Variants in NCK2 observed in about 807,000 individuals in gnomAD.
NCK2 encodes the protein cytoplasmic protein NCK2.
Under a neutral mutation model 33.9 loss-of-function variants are expected in NCK2, and 16 were observed. That is an observed-to-expected ratio of 0.47 (90% CI 0.32 to 0.72). The LOEUF (loss-of-function observed/expected upper bound fraction) is 0.72. NCK2 is among the 30% of genes least tolerant of loss of function. NCK2 has a pLI of 0.03. For synonymous variants in NCK2, 273 were observed against 239.9 expected, an observed-to-expected ratio of 1.14 and a Z score of -1.27; for missense variants, 418 against 537.3, an observed-to-expected ratio of 0.78 and a Z score of 2.19.
Position 105,881,614 on chromosome 2 carries a change from G to C in NCK2, c.513G>C (p.Glu171Asp), listed in dbSNP as rs1405256560. The C allele has an allele frequency of 1.2e-6, 2 of 1,613,648 alleles. No homozygotes were observed. The highest frequency in any genetic ancestry group is 1.7e-6 in the Non-Finnish European group (2 of 1,179,976). ...PSNYVLEEVD[E>D]AAAESPSFLS... ...ACTACGTCTTGGAGGAGGTGGACGA[G>C]GCGGCTGCGGAGTCCCCAAGCTTCC... The change falls in exon 4 of 5, where the codon GAG (glutamate) becomes GAC (aspartate). Residue 171 changes from glutamate (E) to aspartate (D), a missense_variant. By Grantham distance (45) the Glu-to-Asp change is conservative (BLOSUM62 2). Transcript: ENST00000233154.
intron 1 of NCK2, among the ~76,000 whole-genome samples, chr2:105,801,452 C>G (rs2104447335): frequency 6.6e-6 from 1 of 151,302 alleles, no homozygotes; most frequent in Admixed American, 6.6e-5. Flanking sequence ...TCTATTTACA[C>G]AAAACCAGTG....
At position 105,745,070 on chromosome 2, in the gene NCK2, G is replaced by T. The variant is rs1016355141; in HGVS notation, c.-269G>T. The T allele has an allele frequency of 2.7e-5, 4 of 147,008 alleles. No homozygotes were observed. The highest frequency in any genetic ancestry group is 4.5e-5 in the Non-Finnish European group (3 of 66,060). 9.1% of individuals were successfully genotyped at this position (147,008 alleles called of 1,614,324 possible). On this transcript the variant is annotated 5_prime_UTR_variant, in exon 1 of 5. Coordinates refer to ENST00000233154, the MANE Select transcript of NCK2 (RefSeq NM_003581.5). ...GCAGACAAAGAGCGGCGCCTGGGCG[G>T]GCGCAGCGCGGCCACCGCCCCGGGA...
At chr2:105,839,097 G>C (rs553803342) in intron 2 of NCK2, among the ~76,000 whole-genome samples, 1 of 152,210 alleles carries the variant, frequency 6.6e-6, no homozygotes, top group South Asian at 2.1e-4. Flanking sequence ...TTTGAATGGC[G>C]GCTTGAACAA....
intron 1 of NCK2, among the ~76,000 whole-genome samples, chr2:105,775,945 A>G (rs1690284457): frequency 1.3e-5 from 2 of 152,226 alleles, no homozygotes; most frequent in South Asian, 4.1e-4. Flanking sequence ...ACCACCAACA[A>G]AAAAAACAGT....
rs1406411729 is a variant in NCK2, at chr2:105,744,941, C to CGGGCGGA, written c.-394_-388dup. 6.9e-6 allele frequency: 1 copy of CGGGCGGA among 145,376 alleles called. No homozygotes were observed. The highest frequency in any genetic ancestry group is 2.5e-5 in the African/African-American group (1 of 40,548). 9.0% of individuals were successfully genotyped at this position (145,376 alleles called of 1,614,324 possible). A position where few individuals can be genotyped will look rare whatever the true frequency, so the allele number is the denominator to read the frequency against. ...CGGAGCCGCGCGGCCGAGCGGGCGG[C>CGGGCGGA]GGGCGGAGGGGAGGGCTTGGCGGCC... On this transcript the variant is annotated 5_prime_UTR_variant, in exon 1 of 5. Coordinates refer to ENST00000233154, the MANE Select transcript of NCK2 (RefSeq NM_003581.5).
intron 4 of NCK2, among the ~76,000 whole-genome samples, chr2:105,885,237 C>T (rs750512578): frequency 6.6e-6 from 1 of 152,076 alleles, no homozygotes; most frequent in Non-Finnish European, 1.5e-5. Flanking sequence ...TTTTAGTTCC[C>T]GAAGATATCA....
chr2:105,840,447 A>G (rs1676601807), intron 2 of NCK2, among the ~76,000 whole-genome samples: 1 of 152,242 alleles, frequency 6.6e-6, no homozygotes, highest in African/African-American at 2.4e-5. Context: ...TTCTGTCAGC[A>G]AATGTCTGGG....
intron 2 of NCK2, chr2:105,851,855 A>G (rs1201610538): frequency 6.6e-6 from 1 of 152,326 alleles, no homozygotes; most frequent in Non-Finnish European, 1.5e-5. Flanking sequence ...TCAGTGCAGT[A>G]AGTGAGCGAG....
At chr2:105,846,239 A>G (rs1190151590) in intron 2 of NCK2, among the ~76,000 whole-genome samples, 1 of 152,170 alleles carries the variant, frequency 6.6e-6, no homozygotes, top group Non-Finnish European at 1.5e-5. Flanking sequence ...TTGAAGCGAC[A>G]GTGCCACCAC....
intron 4 of NCK2, among the ~76,000 whole-genome samples, 174 bp from the exon 5 acceptor site, chr2:105,892,808 T>C (rs1016980264): frequency 7.0e-6 from 1 of 143,400 alleles, no homozygotes; most frequent in Non-Finnish European, 1.5e-5. Flanking sequence ...ATTGGGCCAC[T>C]ACACTACAGC....
intron 1 of NCK2, among the ~76,000 whole-genome samples, chr2:105,797,908 C>T (rs549300729): frequency 2.0e-5 from 3 of 152,174 alleles, no homozygotes; most frequent in South Asian, 2.1e-4. Flanking sequence ...TTTAAGCTAC[C>T]GGCACTAACA....
At chr2:105,795,302 A>ATT (rs58483160) in intron 1 of NCK2, among the ~76,000 whole-genome samples, 1 of 151,014 alleles carries the variant, frequency 6.6e-6, no homozygotes. Context: ...TATATTTTTA[A>ATT]TTTTTTTTTT....
intron 1 of NCK2, among the ~76,000 whole-genome samples, chr2:105,764,986 C>T (rs11691815): frequency 0.34 from 51,116 of 151,438 alleles, 9,723 homozygotes; most frequent in East Asian, 0.46. Context: ...TGCCTGTGTA[C>T]GTCTCTGGGT....
intron 3 of NCK2, among the ~76,000 whole-genome samples, chr2:105,869,957 C>T (rs1191257961): frequency 1.3e-5 from 2 of 151,976 alleles, no homozygotes; most frequent in Non-Finnish European, 2.9e-5. Flanking sequence ...GTTTGCCTGC[C>T]TGCTCACAAA....
At chr2:105,744,617 C>T (rs1051720433), upstream of NCK2, among the ~76,000 whole-genome samples, 4 of 152,064 alleles carry the variant, frequency 2.6e-5, no homozygotes, top group Non-Finnish European at 5.9e-5. Flanking sequence ...TTTCCTGCCC[C>T]CGGCGCCCGG....
chr2:105,815,999 C>G (rs1351331733), intron 1 of NCK2, among the ~76,000 whole-genome samples: 1 of 152,188 alleles, frequency 6.6e-6, no homozygotes, highest in Non-Finnish European at 1.5e-5. Context: ...ACCTGCTGTT[C>G]ACCGGGTGTG....
At chr2:105,858,064 T>C (rs2104592756) in intron 3 of NCK2, among the ~76,000 whole-genome samples, 1 of 151,870 alleles carries the variant, frequency 6.6e-6, no homozygotes, top group African/African-American at 2.4e-5. Flanking sequence ...TTTTGTTTTT[T>C]TTTTTGCTAA....
intron 4 of NCK2, among the ~76,000 whole-genome samples, chr2:105,888,155 A>G (rs1678794587): frequency 6.6e-6 from 1 of 152,226 alleles, no homozygotes; most frequent in East Asian, 1.9e-4. Flanking sequence ...CCGCCAACCT[A>G]TTAATTGTCC....
At chr2:105,830,448 T>C (rs1235527176) in intron 2 of NCK2, among the ~76,000 whole-genome samples, 1 of 152,210 alleles carries the variant, frequency 6.6e-6, no homozygotes, top group Non-Finnish European at 1.5e-5. Flanking sequence ...ACTGTGTATA[T>C]GTACCACATT....
Sources: allele counts gnomAD v4.1 joint callset (sites outside exome capture counted in the v4.1 genomes callset), GRCh38; gene constraint gnomAD v4.1.1; transcripts MANE v1.5; gene names NCBI Gene and HGNC (gene_info 2026-07-23, HGNC 2026-07-21).